LRRC28: variants seen among roughly 807,000 people sequenced by gnomAD.
LRRC28 encodes leucine-rich repeat-containing protein 28.
LRRC28 carries 39 observed loss-of-function variants against 45.7 expected under a neutral mutation model. That is an observed-to-expected ratio of 0.85 (90% CI 0.66 to 1.12). The LOEUF (loss-of-function observed/expected upper bound fraction) is 1.12. Among genes scored for constraint, LRRC28 ranks in the 50% most tolerant of loss-of-function variants. The pLI is 0.00. For missense variants in LRRC28, 435 were observed against 438.5 expected (o/e 0.99, Z 0.07); for synonymous variants, 206 against 178.8 (o/e 1.15, Z -1.22).
At chr15:99,324,556 A>G (rs1955906827) in intron 5 of LRRC28, among the ~76,000 whole-genome samples, 2 of 152,144 alleles carry the variant, frequency 1.3e-5, no homozygotes, top group Non-Finnish European at 2.9e-5. Flanking sequence ...AGGTTAGGTC[A>G]TTGTGCATCA....
intron 3 of LRRC28, among the ~76,000 whole-genome samples, chr15:99,281,890 C>CTG (rs36020075): frequency 0.096 from 14,561 of 152,200 alleles, 984 homozygotes; most frequent in East Asian, 0.32. Context: ...TCTCTCAACA[C>CTG]TGTGAGCTTT....
chr15:99,328,378 C>T (rs554676911), intron 5 of LRRC28, among the ~76,000 whole-genome samples: 8 of 152,168 alleles, frequency 5.3e-5, no homozygotes, highest in East Asian at 1.9e-4. Flanking sequence ...TCCTGAAAGC[C>T]GAATTCTAGG....
chr15:99,285,655 G>A (rs958578261), intron 3 of LRRC28: 81 of 624,954 alleles, frequency 1.3e-4, no homozygotes, highest in African/African-American at 1.2e-3. Context: ...ATTTCATACA[G>A]CATCTTGATT....
intron 5 of LRRC28, among the ~76,000 whole-genome samples, chr15:99,293,288 A>T (rs187860201): frequency 1.3e-5 from 2 of 152,150 alleles, no homozygotes; most frequent in African/African-American, 4.8e-5. Context: ...TATTTTTGCA[A>T]GTCAGTTGTC....
chr15:99,363,257 G>A lies in LRRC28; in HGVS notation c.1023G>A (p.Leu341=), dbSNP rs1315706055. 1.2e-6 allele frequency: 2 copies of A among 1,613,674 alleles called. No homozygotes were observed. Among genetic ancestry groups the A allele is most frequent in the South Asian group, 2.2e-5 (2 of 91,056 alleles). ...TGAGAGAGACGCCAATGGCAGGGCT[G>A]CACCAGTGGTAATCATGCCTAAGTG... The part of the protein sequence containing the change: ...FPLRETPMAG[L]HQWKTTVSFV... The change falls in exon 9 of 10, where the codon CTG becomes CTA. Residue 341 remains leucine, a synonymous_variant. Transcript: ENST00000301981.
At chr15:99,301,732 G>C (rs1954976820) in intron 5 of LRRC28, among the ~76,000 whole-genome samples, 1 of 152,180 alleles carries the variant, frequency 6.6e-6, no homozygotes, top group Non-Finnish European at 1.5e-5. Flanking sequence ...GCTGCTAAAA[G>C]AGGTGACATA....
At chr15:99,285,156 A>G (rs2081924307) in intron 3 of LRRC28, 1 of 723,024 alleles carries the variant, frequency 1.4e-6, no homozygotes, top group Non-Finnish European at 2.6e-6. Context: ...TTTTCTTGTC[A>G]CTGCCTCAGT....
At chr15:99,348,362 A>G (rs1956762260) in intron 6 of LRRC28, among the ~76,000 whole-genome samples, 2 of 152,024 alleles carry the variant, frequency 1.3e-5, no homozygotes, top group South Asian at 4.2e-4. Flanking sequence ...AATGTCAAGG[A>G]GCTTTTCTCC....
intron 5 of LRRC28, among the ~76,000 whole-genome samples, chr15:99,311,173 G>C (rs1322866038): frequency 2.0e-5 from 3 of 152,116 alleles, no homozygotes; most frequent in Non-Finnish European, 2.9e-5. Flanking sequence ...CTGTCTTGGG[G>C]ACATGGAATA....
At position 99,387,185 on chromosome 15, in the gene LRRC28, C is replaced by A. The variant is rs1292711356; in HGVS notation, c.*1083C>A. On this transcript the variant is annotated 3_prime_UTR_variant, in exon 10 of 10. Coordinates refer to ENST00000301981, the MANE Select transcript of LRRC28 (RefSeq NM_144598.5). ...ACGCCATTCTCCTGCCTCAGCCTCC[C>A]AAGTAGCTGGGACCACAGGCGCCCG... is the stretch of plus-strand genomic sequence containing the variant. 4.1e-5 allele frequency: 6 copies of A among 145,794 alleles called. No homozygotes were observed. Among genetic ancestry groups the A allele is most frequent in the East Asian group, 2.0e-4 (1 of 4,890 alleles). 9.0% of individuals were successfully genotyped at this position (145,794 alleles called of 1,614,324 possible).
intron 9 of LRRC28, among the ~76,000 whole-genome samples, chr15:99,381,991 AG>A (rs1597477139): frequency 6.6e-6 from 1 of 152,168 alleles, no homozygotes; most frequent in Admixed American, 6.5e-5. Context: ...GACCCACTTG[AG>A]GGGGCAGTCT....
chr15:99,292,250 G>A (rs941001609), intron 5 of LRRC28, among the ~76,000 whole-genome samples: 1 of 152,128 alleles, frequency 6.6e-6, no homozygotes, highest in African/African-American at 2.4e-5. Context: ...ACATTGAGGA[G>A]ATTATCTCAG....
chr15:99,290,055 C>T (rs897923885), intron 5 of LRRC28, among the ~76,000 whole-genome samples: 7 of 149,660 alleles, frequency 4.7e-5, no homozygotes, highest in East Asian at 4.0e-4. Flanking sequence ...GTCAGGAGTT[C>T]GAGACCAGCC....
At chr15:99,384,509 C>T (rs180695741) in intron 9 of LRRC28, 134 of 152,278 alleles carry the variant, frequency 8.8e-4, no homozygotes, top group African/African-American at 3.1e-3. Context: ...TCACTTAAGG[C>T]CACCATAAAA....
chr15:99,372,030 A>G (rs546444050), intron 9 of LRRC28, among the ~76,000 whole-genome samples: 4 of 152,318 alleles, frequency 2.6e-5, no homozygotes, highest in Non-Finnish European at 5.9e-5. Context: ...CAGATACAAT[A>G]TGTTATTAGA....
intron 5 of LRRC28, among the ~76,000 whole-genome samples, chr15:99,309,996 T>C (rs1320732183): frequency 6.6e-6 from 1 of 152,224 alleles, no homozygotes; most frequent in Admixed American, 6.5e-5. Context: ...GGACATCTTG[T>C]GCCAGAAAAC....
chr15:99,353,198 A>G (rs527732308), intron 7 of LRRC28, among the ~76,000 whole-genome samples: 1 of 152,228 alleles, frequency 6.6e-6, no homozygotes, highest in African/African-American at 2.4e-5. Context: ...CTTGTGACTG[A>G]CCTTCCCTTC....
chr15:99,348,981 A>C (rs1199522402), intron 6 of LRRC28, among the ~76,000 whole-genome samples: 1 of 152,162 alleles, frequency 6.6e-6, no homozygotes, highest in Non-Finnish European at 1.5e-5. Flanking sequence ...TTCAGTGTAC[A>C]AATCTTTTTA....
chr15:99,374,311 AC>A (rs552301291), intron 9 of LRRC28, among the ~76,000 whole-genome samples: 10 of 152,254 alleles, frequency 6.6e-5, no homozygotes, highest in Non-Finnish European at 1.3e-4. Context: ...AAATCATTAA[AC>A]GTTTTCCTAA....
Sources: gnomAD v4.1 joint callset for allele counts (sites outside exome capture counted in the v4.1 genomes callset) on GRCh38, gnomAD v4.1.1 for gene constraint, MANE v1.5 for transcripts, NCBI Gene and HGNC (gene_info 2026-07-23, HGNC 2026-07-21) for gene names.